Variants in PRSS36 observed in about 807,000 individuals in gnomAD.
PRSS36 encodes the protein polyserase-2.
Under a neutral mutation model 94.3 loss-of-function variants are expected in PRSS36, and 90 were observed. The observed-to-expected ratio is 0.95, with a 90% CI of 0.80 to 1.14. The LOEUF is 1.14. Ranked by LOEUF, PRSS36 falls within the 50% of genes most tolerant of loss-of-function variation. The pLI, the probability that PRSS36 is intolerant of heterozygous loss-of-function variation, is 0.00. For missense variants in PRSS36, 1,158 were observed against 1,135.0 expected, an observed-to-expected ratio of 1.02 and a Z score of -0.29; for synonymous variants, 500 against 489.6, an observed-to-expected ratio of 1.02 and a Z score of -0.28.
intron 2 of PRSS36, 21 bp downstream of exon 2, chr16:31,149,675 C>A: frequency 2.5e-6 from 4 of 1,614,070 alleles, no homozygotes; most frequent in Non-Finnish European, 3.4e-6. Flanking sequence ...ACGTGACTTT[C>A]CCCCAGTCCG....
Position 31,149,718 on chromosome 16 carries a change from G to A in PRSS36, c.51C>T (p.Ile17=). Residue 17 remains isoleucine (I), a synonymous_variant, in exon 2 of 15, where the codon ATC becomes ATT. Coordinates refer to ENST00000268281, the MANE Select transcript of PRSS36 (RefSeq NM_173502.5). ...LPLVMLVISP[I]PGAFQDSALS... ...TACCTGAGTCCTGGAAGGCTCCTGG[G>A]ATGGGACTGATGACTGGAAAGACAG... The A allele has an allele frequency of 6.2e-7, 1 of 1,614,190 alleles. No individual in the cohort carries two copies. Among genetic ancestry groups the A allele is most frequent in the Non-Finnish European group, 8.5e-7 (1 of 1,180,026 alleles).
chr16:31,145,494 G>T (rs971135555), intron 6 of PRSS36, among the ~76,000 whole-genome samples: 1 of 151,992 alleles, frequency 6.6e-6, no homozygotes, highest in African/African-American at 2.4e-5. Context: ...GCAGTCTGTG[G>T]TGGTGCATGC....
In PRSS36 at chr16:31,139,050, G is replaced by T; in HGVS notation, c.*88C>A. The T allele has an allele frequency of 7.0e-7, 1 of 1,424,452 alleles. No homozygotes were observed. The highest frequency in any genetic ancestry group is 9.4e-7 in the Non-Finnish European group (1 of 1,063,050). 88.2% of individuals were successfully genotyped at this position (1,424,452 alleles called of 1,614,324 possible). On this transcript the variant is annotated 3_prime_UTR_variant, in exon 15 of 15. Transcript: ENST00000268281. ...CAATCTCGGTGGGTGGGGCCCTTGAGGTTCCAGCCGGCTGGGCCACATTCC... is the reference window on the plus strand; with the variant it reads ...CAATCTCGGTGGGTGGGGCCCTTGATGTTCCAGCCGGCTGGGCCACATTCC...
At chr16:31,143,242 C>T in intron 8 of PRSS36, 100 bp downstream of exon 8, 11 of 1,463,838 alleles carry the variant, frequency 7.5e-6, no homozygotes, top group African/African-American at 1.4e-5. Context: ...TGGGACCCCG[C>T]CCCCCCCACA....
chr16:31,149,776 CAG>C, intron 1 of PRSS36, 45 bp from the exon 2 acceptor site: 1 of 1,613,502 alleles, frequency 6.2e-7, no homozygotes, highest in Non-Finnish European at 8.5e-7. Context: ...GACTCGCACT[CAG>C]TATGTGCCCT....
At chr16:31,143,084 C>A in intron 8 of PRSS36, 91 bp from the exon 9 acceptor site, 1 of 1,384,616 alleles carries the variant, frequency 7.2e-7, no homozygotes, top group Non-Finnish European at 9.3e-7. Context: ...GGCGAGGATC[C>A]TGCATCCTGG....
chr16:31,142,400 G>C, intron 10 of PRSS36, 81 bp downstream of exon 10: 5 of 1,358,678 alleles, frequency 3.7e-6, no homozygotes, highest in Non-Finnish European at 4.8e-6. Context: ...GAGCCCACTT[G>C]GACTCGCCTT....
intron 14 of PRSS36, 89 bp downstream of exon 14, chr16:31,140,205 A>C (rs1596838466): frequency 7.0e-7 from 1 of 1,425,642 alleles, no homozygotes; most frequent in East Asian, 2.4e-5. Context: ...AAAAAAAAAA[A>C]AAAAATTCCA....
chr16:31,140,897 CAA>C (rs2057675965), intron 12 of PRSS36, 140 bp from the exon 13 acceptor site: 2 of 877,986 alleles, frequency 2.3e-6, no homozygotes, highest in East Asian at 5.3e-5. Context: ...CCTTCTAGGT[CAA>C]AACATCTCCC....
rs770093354 is a variant in PRSS36, at chr16:31,143,818, AG to A, written c.739del (p.Leu247TrpfsTer44). The stretch of plus-strand genomic sequence containing the variant: ...CCAGCGGCCGCCTTCCTCACAGACC[AG>A]GGGCCCCCCAGAGTCACCCTAGTGG... ...DTCQGDSGGP[L>X]VCEEGGRWFQ... On this transcript the variant is annotated frameshift_variant, in exon 7 of 15. Transcript: ENST00000268281. LOFTEE classifies it high-confidence loss of function. 1 of 1,613,636 alleles carries A rather than the reference AG, an allele frequency of 6.2e-7. No individual in the cohort carries two copies. Among genetic ancestry groups the A allele is most frequent in the Non-Finnish European group, 8.5e-7 (1 of 1,180,024 alleles).
chr16:31,142,502 CT>C lies in PRSS36; in HGVS notation c.1499del (p.Lys500ArgfsTer54). 2 of 1,494,096 alleles carry C rather than the reference CT, an allele frequency of 1.3e-6. No homozygotes were observed. The highest frequency in any genetic ancestry group is 1.2e-5 in the South Asian group (1 of 80,782). The allele number at this position is 1,494,096 out of a possible 1,614,324, so 92.6% of individuals were successfully genotyped here. The stretch of plus-strand genomic sequence containing the variant: ...TTACCCAGCAGCTGCCCACCTCCTC[CT>C]TTTCCTGGTAGGCAGGGCAGAGCGC... ...PHALCPAYQE[K>X]EEVGSCWNDS... On this transcript the variant is annotated frameshift_variant, in exon 10 of 15. Coordinates refer to ENST00000268281, the MANE Select transcript of PRSS36 (RefSeq NM_173502.5). LOFTEE classifies it high-confidence loss of function.
chr16:31,139,432 G>A lies in PRSS36; in HGVS notation c.2290-16C>T, dbSNP rs750112291. ...CTGAGGTCATCTGCAGAGTTGGAGC[G>A]AGGCCACGTGGGTCTGCTGCCCTTC... On this transcript the variant is annotated splice_polypyrimidine_tract_variant and intron_variant, in intron 14 of 14. Coordinates refer to ENST00000268281, the MANE Select transcript of PRSS36 (RefSeq NM_173502.5). 1.5e-5 allele frequency: 24 copies of A among 1,605,788 alleles called. No individual in the cohort carries two copies. The highest frequency in any genetic ancestry group is 2.0e-5 in the Non-Finnish European group (23 of 1,174,586).
At chr16:31,148,702 T>G in intron 4 of PRSS36, 27 bp from the exon 5 acceptor site, 1 of 1,610,124 alleles carries the variant, frequency 6.2e-7, no homozygotes, top group Non-Finnish European at 8.5e-7. Context: ...CAGTAGGAGG[T>G]TAGGTTGACC....
Position 31,139,398 on chromosome 16 carries a change from G to C in PRSS36, c.2308C>G (p.Leu770Val). 6.2e-7 allele frequency: 1 copy of C among 1,613,994 alleles called. No homozygotes were observed. Among genetic ancestry groups the C allele is most frequent in the Non-Finnish European group, 8.5e-7 (1 of 1,179,920 alleles). ...NRCEMTSAPP[L>V]LCQMTEGSWI... Reference sequence around the variant, plus strand: ...GACCCTTCCGTCATCTGGCACAGGAGGGGCGGTGCTGAGGTCATCTGCAGA... The same window carrying C: ...GACCCTTCCGTCATCTGGCACAGGACGGGCGGTGCTGAGGTCATCTGCAGA... The change falls in exon 15 of 15, where the codon CTC becomes GTC. Residue 770 changes from leucine to valine, a missense_variant. Physicochemically the swap from Leu to Val is conservative, Grantham distance 32. Coordinates refer to ENST00000268281, the MANE Select transcript of PRSS36 (RefSeq NM_173502.5).
chr16:31,142,669 C>A (rs756013979), intron 9 of PRSS36, 25 bp from the exon 10 acceptor site: 14 of 1,410,152 alleles, frequency 9.9e-6, no homozygotes, highest in South Asian at 7.5e-5. Flanking sequence ...GCAGGGAGCC[C>A]GCGCTGCGGC....
rs1161995606 is a variant in PRSS36 at position 31,141,449 on chromosome 16, AG to A, written c.1901+19del. 1 of 1,587,908 alleles carries A rather than the reference AG, an allele frequency of 6.3e-7. No individual in the cohort carries two copies. Among genetic ancestry groups the A allele is most frequent in the Non-Finnish European group, 8.6e-7 (1 of 1,165,440 alleles). ...CATTCTCCCCTCCCGTCTCTCGCCT[AG>A]GAGACGAGTGAGACCCACCTGAGGA... On this transcript the variant is annotated intron_variant, in intron 12 of 14. Coordinates refer to ENST00000268281, the MANE Select transcript of PRSS36 (RefSeq NM_173502.5).
chr16:31,141,575 C>A lies in PRSS36; in HGVS notation c.1795G>T (p.Val599Phe). ...ACCTCTGCCAGCCAGGGCCACAGGA[C>A]CCCCACTGGAGCAGCCTCCAGCCGC... ...GLRLEAAPVG[V>F]LWPWLAEVHV... Residue 599 changes from valine (V) to phenylalanine (F), a missense_variant, in exon 12 of 15, where the codon GTC becomes TTC. By Grantham distance (50) the Val-to-Phe change is conservative. Coordinates refer to ENST00000268281, the MANE Select transcript of PRSS36 (RefSeq NM_173502.5). 2 of 1,613,388 alleles carry A rather than the reference C, an allele frequency of 1.2e-6. No individual in the cohort carries two copies. The highest frequency in any genetic ancestry group is 1.7e-6 in the Non-Finnish European group (2 of 1,179,978).
Position 31,139,337 on chromosome 16 carries a change from C to T in PRSS36, c.2369G>A (p.Arg790Gln), listed in dbSNP as rs752642543. ...AGGACCAATGGCAGCAAACAGCTCC[C>T]GGCTCCCTTGAACAGCCATGCCCAC... ...ILVGMAVQGSRELFAAIGPEE... is the reference protein window; with the variant it reads ...ILVGMAVQGSQELFAAIGPEE... The change falls in exon 15 of 15, where the codon CGG (arginine) becomes CAG (glutamine). Residue 790 changes from arginine (R) to glutamine (Q), a missense_variant. Physicochemically the swap from Arg to Gln is conservative, Grantham distance 43. Transcript: ENST00000268281. The T allele has an allele frequency of 1.5e-5, 24 of 1,613,978 alleles. 1 individual carries two copies. The East Asian group carries it at 2.0e-4, about 13-fold the overall frequency.
rs764456910 is a variant in PRSS36, at chr16:31,145,804, G to T, written c.705C>A (p.Arg235=). Residue 235 remains arginine (R), a synonymous_variant, in exon 6 of 15, where the codon CGC becomes CGA. Transcript: ENST00000268281. ...CTTCCCTCACCTGGCAGGTGTCCCT[G>T]CGGCCCTCTGGGTAGCCAGCACACA... ...GMLCAGYPEG[R]RDTCQGDSGG... 1 of 1,613,500 alleles carries T rather than the reference G, an allele frequency of 6.2e-7. No homozygotes were observed. The highest frequency in any genetic ancestry group is 1.1e-5 in the South Asian group (1 of 91,064).
Sources: gnomAD v4.1 joint callset for allele counts (sites outside exome capture counted in the v4.1 genomes callset) on GRCh38, gnomAD v4.1.1 for gene constraint, MANE v1.5 for transcripts, NCBI Gene and HGNC (gene_info 2026-07-23, HGNC 2026-07-21) for gene names.